Variants in MCU observed in about 807,000 individuals in gnomAD.
The protein encoded by MCU is mitochondrial calcium uniporter.
In MCU, 12 loss-of-function variants were observed where a neutral mutation model predicts 45.2. That is an observed-to-expected ratio of 0.27 (90% CI 0.17 to 0.43). The LOEUF (loss-of-function observed/expected upper bound fraction) is 0.43, where lower values mean the gene tolerates loss of function less well. MCU is among the 20% of genes least tolerant of loss of function. MCU has a pLI of 1.00. For synonymous variants in MCU, 160 were observed against 165.1 expected (o/e 0.97, Z 0.24); for missense variants, 324 against 436.7 (o/e 0.74, Z 2.30).
intron 1 of MCU, among the ~76,000 whole-genome samples, chr10:72,713,222 T>C (rs963219276): frequency 3.3e-5 from 5 of 152,208 alleles, no homozygotes; most frequent in African/African-American, 1.2e-4. Context: ...TTTGCCTTTT[T>C]TATTTGATAG....
At chr10:72,857,731 A>G (rs1589499300) in intron 2 of MCU, among the ~76,000 whole-genome samples, 1 of 152,208 alleles carries the variant, frequency 6.6e-6, no homozygotes, top group Admixed American at 6.5e-5. Context: ...AAAAAAATGT[A>G]TGTGAAAATT....
At chr10:72,728,159 T>G (rs1354451179) in intron 1 of MCU, among the ~76,000 whole-genome samples, 1 of 152,202 alleles carries the variant, frequency 6.6e-6, no homozygotes, top group South Asian at 2.1e-4. Flanking sequence ...AAATGTTCTT[T>G]AGAATGGATT....
At chr10:72,730,307 C>CTTTTT (rs1221272053) in intron 1 of MCU, among the ~76,000 whole-genome samples, 12 of 124,238 alleles carry the variant, frequency 9.7e-5, no homozygotes, top group Non-Finnish European at 1.7e-4. Context: ...CTTTCTTTTT[C>CTTTTT]TTTTTTTTTT....
At position 72,709,661 on chromosome 10, in the gene MCU, TA is replaced by T. The variant is rs548743211; in HGVS notation, c.150+17361del. 3.1e-3 allele frequency among the ~76,000 whole-genome samples: 468 copies of T among 152,254 alleles called. 1 individual carries two copies. Among genetic ancestry groups the T allele is most frequent in the African/African-American group, 0.01 (436 of 41,556 alleles). ...GACTAGATATAGATATAGATGTCAA[TA>T]GTTTGGTTTTGTTTATTTATTTTCT... On this transcript the variant is annotated intron_variant, in intron 1 of 7. Coordinates refer to ENST00000373053, the MANE Select transcript of MCU (RefSeq NM_138357.3).
At chr10:72,749,228 TGAGCCGTAA>T (rs1367991632) in intron 1 of MCU, among the ~76,000 whole-genome samples, 3 of 152,000 alleles carry the variant, frequency 2.0e-5, no homozygotes, top group African/African-American at 7.2e-5. Flanking sequence ...AAGGCTACAG[TGAGCCGTAA>T]TCATGCCACG....
At chr10:72,745,278 G>A (rs767184983) in intron 1 of MCU, among the ~76,000 whole-genome samples, 1 of 152,076 alleles carries the variant, frequency 6.6e-6, no homozygotes, top group Non-Finnish European at 1.5e-5. Flanking sequence ...GCCCAAGCTG[G>A]AGTGCAATGG....
In MCU at chr10:72,801,783, T is replaced by C. The variant is rs143475280; in HGVS notation, c.151-32576T>C. On this transcript the variant is annotated intron_variant, in intron 1 of 7. Coordinates refer to ENST00000373053, the MANE Select transcript of MCU (RefSeq NM_138357.3). ...ACCTCCCAGGCTCAAGCGAACCTCT[T>C]GCCTCAGCCTCCCGGGTAACTGAGA... is the stretch of plus-strand genomic sequence containing the variant. Among the ~76,000 whole-genome samples, 894 of 151,664 alleles carry C rather than the reference T, an allele frequency of 5.9e-3. 12 individuals are homozygous for C. Among genetic ancestry groups the C allele is most frequent in the African/African-American group, 0.02 (843 of 41,322 alleles).
At chr10:72,873,566 C>G (rs1401719741) in intron 6 of MCU, among the ~76,000 whole-genome samples, 2 of 152,142 alleles carry the variant, frequency 1.3e-5, no homozygotes, top group African/African-American at 4.8e-5. Flanking sequence ...TGTCTCCTCA[C>G]TCTGCTGACC....
At chr10:72,754,023 T>C (rs1843539636) in intron 1 of MCU, among the ~76,000 whole-genome samples, 1 of 152,074 alleles carries the variant, frequency 6.6e-6, no homozygotes, top group Non-Finnish European at 1.5e-5. Flanking sequence ...CAAGTAGCAA[T>C]TGTTATATGG....
At chr10:72,786,516 G>A (rs1270806095) in intron 1 of MCU, among the ~76,000 whole-genome samples, 1 of 152,048 alleles carries the variant, frequency 6.6e-6, no homozygotes, top group Non-Finnish European at 1.5e-5. Context: ...AGGCTGAGGC[G>A]GGCAGATCAC....
intron 1 of MCU, among the ~76,000 whole-genome samples, chr10:72,719,764 C>A (rs1842997427): frequency 6.6e-6 from 1 of 152,178 alleles, no homozygotes; most frequent in Non-Finnish European, 1.5e-5. Flanking sequence ...ATTATATTCT[C>A]TTAGTTATTT....
At chr10:72,695,828 G>A (rs1171812336) in intron 1 of MCU, among the ~76,000 whole-genome samples, 2 of 150,618 alleles carry the variant, frequency 1.3e-5, no homozygotes, top group South Asian at 2.1e-4. Context: ...CTCCCACCTC[G>A]GCCTCCCCAA....
intron 1 of MCU, among the ~76,000 whole-genome samples, chr10:72,794,051 T>C (rs1463597969): frequency 6.6e-6 from 1 of 152,138 alleles, no homozygotes; most frequent in Non-Finnish European, 1.5e-5. Flanking sequence ...CAACTCTAAG[T>C]CTAGGATCTC....
intron 1 of MCU, among the ~76,000 whole-genome samples, chr10:72,760,885 G>T (rs1843647498): frequency 6.6e-6 from 1 of 151,646 alleles, no homozygotes; most frequent in Non-Finnish European, 1.5e-5. Flanking sequence ...AATAGACAAG[G>T]CAACTAAAAC....
intron 1 of MCU, among the ~76,000 whole-genome samples, chr10:72,784,892 GAGTGAGGAGCAAAACACA>G (rs1202025940): frequency 6.6e-6 from 1 of 152,128 alleles, no homozygotes; most frequent in African/African-American, 2.4e-5. Context: ...GCCCTTGTTG[GAGTGAGGAGCAAAACACA>G]CATGGATAAT....
intron 1 of MCU, among the ~76,000 whole-genome samples, chr10:72,694,738 G>A (rs1250625695): frequency 2.6e-5 from 4 of 152,208 alleles, no homozygotes; most frequent in African/African-American, 9.7e-5. Flanking sequence ...CCGCTGTATG[G>A]TATGGTAAAT....
At chr10:72,768,113 C>CA (rs67094206) in intron 1 of MCU, among the ~76,000 whole-genome samples, 77,619 of 150,834 alleles carry the variant, frequency 0.51, 22,035 homozygotes, top group Non-Finnish European at 0.67. Flanking sequence ...GAGAGGAAAA[C>CA]AAAAAAAACA....
In MCU at chr10:72,714,471, G is replaced by A. The variant is rs151337729; in HGVS notation, c.150+22170G>A. Among the ~76,000 whole-genome samples the A allele has an allele frequency of 3.0e-3, 450 of 150,130 alleles. 4 individuals carry two copies. The highest frequency in any genetic ancestry group is 0.01 in the African/African-American group (422 of 40,846). ...GCATTTTGAATAGTTGGGACTATAG[G>A]CCCACACCACCACACCCAGCTAACT... On this transcript the variant is annotated intron_variant, in intron 1 of 7. Transcript: ENST00000373053.
At chr10:72,805,279 C>T (rs949487077) in intron 1 of MCU, among the ~76,000 whole-genome samples, 1 of 146,856 alleles carries the variant, frequency 6.8e-6, no homozygotes, top group African/African-American at 2.5e-5. Context: ...GACAGGGTCT[C>T]GCTCTGTTGC....
Sources: gnomAD v4.1 joint callset for allele counts (sites outside exome capture counted in the v4.1 genomes callset) on GRCh38, gnomAD v4.1.1 for gene constraint, MANE v1.5 for transcripts, NCBI Gene and HGNC (gene_info 2026-07-23, HGNC 2026-07-21) for gene names.